MSI2: variants seen among roughly 807,000 people sequenced by gnomAD.
The protein encoded by MSI2 is RNA-binding protein Musashi homolog 2.
A neutral mutation model predicts 45.6 loss-of-function variants in MSI2; 17 were observed. That is an observed-to-expected ratio of 0.37 (90% confidence interval 0.26 to 0.56). The LOEUF is 0.56. Among genes scored for constraint, MSI2 ranks in the 20% least tolerant of loss-of-function variants. The probability of loss-of-function intolerance (pLI) is 0.77; values close to 1 mark genes in which losing one functional copy is unlikely to be tolerated. For synonymous variants in MSI2, 156 were observed against 158.2 expected (o/e 0.99, Z 0.11); for missense variants, 293 against 444.2 (o/e 0.66, Z 3.06).
chr17:57,631,845 C>G (rs1319528658), intron 10 of MSI2: 1 of 1,613,086 alleles, frequency 6.2e-7, no homozygotes, highest in Non-Finnish European at 8.5e-7. Flanking sequence ...TTAAGAGAGG[C>G]ATAGCAAAGT....
chr17:57,428,519 C>T (rs2084535799), intron 6 of MSI2, among the ~76,000 whole-genome samples: 1 of 152,232 alleles, frequency 6.6e-6, no homozygotes, highest in African/African-American at 2.4e-5. Context: ...ATGCCCCCAC[C>T]TCAGCCTCCT....
At chr17:57,516,834 G>A (rs901906360) in intron 6 of MSI2, among the ~76,000 whole-genome samples, 1 of 152,200 alleles carries the variant, frequency 6.6e-6, no homozygotes, top group East Asian at 1.9e-4. Flanking sequence ...CCCAGGATGT[G>A]TGATGGCATG....
At chr17:57,435,995 C>T (rs759796601) in intron 6 of MSI2, among the ~76,000 whole-genome samples, 7 of 152,208 alleles carry the variant, frequency 4.6e-5, no homozygotes, top group Non-Finnish European at 8.8e-5. Flanking sequence ...TGCTGGACCA[C>T]AAAACCCAAA....
chr17:57,413,874 C>T (rs2084243420), intron 6 of MSI2, among the ~76,000 whole-genome samples: 1 of 151,934 alleles, frequency 6.6e-6, no homozygotes, highest in Non-Finnish European at 1.5e-5. Context: ...CCTCATTAGG[C>T]CCACAAGGCA....
chr17:57,665,806 T>C (rs543556677), intron 11 of MSI2, among the ~76,000 whole-genome samples: 2 of 152,302 alleles, frequency 1.3e-5, no homozygotes, highest in African/African-American at 2.4e-5. Flanking sequence ...AGGGGAGTTC[T>C]AGCGAGGGCC....
At position 57,465,659 on chromosome 17, in the gene MSI2, C is replaced by G. The variant is rs569164819; in HGVS notation, c.406-64017C>G. On this transcript the variant is annotated intron_variant, in intron 6 of 13. Coordinates refer to ENST00000284073, the MANE Select transcript of MSI2 (RefSeq NM_138962.4). ...CATGGGAGGGTGGGTGCTGGCCTTC[C>G]CTTTTCAGAGGCCACTAGTCTCTGT... Among the ~76,000 whole-genome samples the G allele has an allele frequency of 2.0e-5, 3 of 152,184 alleles. No homozygotes were observed. In the South Asian group the frequency reaches 6.2e-4, roughly 32 times the overall value.
At chr17:57,560,283 G>C (rs550647152) in intron 7 of MSI2, among the ~76,000 whole-genome samples, 1 of 152,116 alleles carries the variant, frequency 6.6e-6, no homozygotes, top group Non-Finnish European at 1.5e-5. Context: ...TATTTTCTGG[G>C]GTGGTGGAGG....
At chr17:57,516,959 T>C (rs1490148084) in intron 6 of MSI2, among the ~76,000 whole-genome samples, 2 of 152,256 alleles carry the variant, frequency 1.3e-5, no homozygotes, top group Non-Finnish European at 2.9e-5. Context: ...TTATCCTCTC[T>C]GCCTTGAAGA....
At chr17:57,317,704 C>T (rs1806570425) in intron 5 of MSI2, among the ~76,000 whole-genome samples, 1 of 151,900 alleles carries the variant, frequency 6.6e-6, no homozygotes, top group Admixed American at 6.6e-5. Context: ...ATATATAAGG[C>T]AGAGAAAGAA....
At chr17:57,265,384 C>T (rs573038055) in intron 5 of MSI2, 12 of 152,102 alleles carry the variant, frequency 7.9e-5, no homozygotes, top group African/African-American at 2.4e-4. Context: ...TGCTAACGCT[C>T]GCCAGAGAAA....
At chr17:57,363,395 C>T (rs1280563064) in intron 5 of MSI2, among the ~76,000 whole-genome samples, 1 of 152,164 alleles carries the variant, frequency 6.6e-6, no homozygotes, top group African/African-American at 2.4e-5. Flanking sequence ...AAAAAGAGCT[C>T]TGTGACAGAA....
chr17:57,561,270 G>C (rs2087568018), intron 7 of MSI2, among the ~76,000 whole-genome samples: 1 of 152,138 alleles, frequency 6.6e-6, no homozygotes. Flanking sequence ...TGGAGGGTGG[G>C]AACATTTGAT....
At chr17:57,597,466 TAAAAA>T (rs35606406) in intron 8 of MSI2, among the ~76,000 whole-genome samples, 368 of 87,110 alleles carry the variant, frequency 4.2e-3, no homozygotes, top group African/African-American at 0.017. Context: ...CCTCATCTCT[TAAAAA>T]AAAAAAAAAA....
intron 6 of MSI2, among the ~76,000 whole-genome samples, chr17:57,458,444 A>C (rs1284806784): frequency 1.3e-5 from 2 of 152,144 alleles, no homozygotes; most frequent in East Asian, 3.9e-4. Flanking sequence ...TTAATCTCTC[A>C]ATGGCCATCA....
intron 6 of MSI2, among the ~76,000 whole-genome samples, chr17:57,420,827 T>G (rs1407376770): frequency 1.3e-5 from 2 of 152,236 alleles, no homozygotes; most frequent in African/African-American, 4.8e-5. Context: ...TATCTGAAGA[T>G]AGTTGCCAAC....
At chr17:57,505,709 C>T (rs780317633) in intron 6 of MSI2, among the ~76,000 whole-genome samples, 2 of 151,698 alleles carry the variant, frequency 1.3e-5, no homozygotes, top group Non-Finnish European at 2.9e-5. Context: ...TTGGTATGGC[C>T]GAGTGCCATC....
In MSI2 at chr17:57,681,571, A is replaced by T. The variant is rs1208770548; in HGVS notation, c.*2054A>T. The T allele has an allele frequency of 5.5e-6, 1 of 183,032 alleles. No homozygotes were observed. The highest frequency in any genetic ancestry group is 2.3e-5 in the African/African-American group (1 of 42,554). 11.3% of individuals were successfully genotyped at this position (183,032 alleles called of 1,614,324 possible). On this transcript the variant is annotated 3_prime_UTR_variant, in exon 14 of 14. Coordinates refer to ENST00000284073, the MANE Select transcript of MSI2 (RefSeq NM_138962.4). Reference sequence around the variant, plus strand: ...TCAAACTAAAGACTCCAAAATGCTAACTCAGAAAGAAAGAAAAAACCCGTT... The same window carrying T: ...TCAAACTAAAGACTCCAAAATGCTATCTCAGAAAGAAAGAAAAAACCCGTT...
At chr17:57,563,783 CAT>C (rs770941710) in intron 7 of MSI2, among the ~76,000 whole-genome samples, 109 of 146,526 alleles carry the variant, frequency 7.4e-4, no homozygotes, top group Middle Eastern at 7.1e-3. Flanking sequence ...CACACACACA[CAT>C]AGGCCTCTGT....
intron 5 of MSI2, among the ~76,000 whole-genome samples, chr17:57,390,672 C>G (rs1567796633): frequency 6.6e-6 from 1 of 152,158 alleles, no homozygotes; most frequent in Non-Finnish European, 1.5e-5. Context: ...GGCTTTAGAA[C>G]CTGCCTACCA....
Sources: allele counts gnomAD v4.1 joint callset (sites outside exome capture counted in the v4.1 genomes callset), GRCh38; gene constraint gnomAD v4.1.1; transcripts MANE v1.5; gene names NCBI Gene and HGNC (gene_info 2026-07-23, HGNC 2026-07-21).